Variants in MILR1 observed in about 807,000 individuals in gnomAD.
MILR1 encodes the protein allergin-1.
In MILR1, 31 loss-of-function variants were observed where a neutral mutation model predicts 18.5. That is an observed-to-expected ratio of 1.68 (90% CI 1.26 to 2.26). The LOEUF (loss-of-function observed/expected upper bound fraction) is 2.26. Ranked by LOEUF, MILR1 falls within the 30% of genes most tolerant of loss-of-function variation. The pLI is 0.00. For missense variants in MILR1, 257 were observed against 157.4 expected (o/e 1.63, Z -3.38); for synonymous variants, 85 against 56.2 (o/e 1.51, Z -2.30).
At chr17:64,454,598 C>G (rs2037249580) in intron 3 of MILR1, among the ~76,000 whole-genome samples, 1 of 152,094 alleles carries the variant, frequency 6.6e-6, no homozygotes. Flanking sequence ...TCTTAATAAT[C>G]CAATGATAGC....
In MILR1 at chr17:64,449,135, C is replaced by T. The variant is rs2037108374; in HGVS notation, c.-34C>T. ...TACTCACCACTGTGGTTCTACTATG[C>T]CTTCTGACCCCGTCTTGGACTTCAA... On this transcript the variant is annotated 5_prime_UTR_variant, in exon 1 of 10. Transcript: ENST00000619286. 3 of 460,420 alleles carry T rather than the reference C, an allele frequency of 6.5e-6. No homozygotes were observed. Among genetic ancestry groups the T allele is most frequent in the Admixed American group, 3.4e-5 (1 of 29,130 alleles). The allele number at this position is 460,420 out of a possible 1,614,324, so 28.5% of individuals were successfully genotyped here. A position where few individuals can be genotyped will look rare whatever the true frequency, so the allele number is the denominator to read the frequency against.
intron 4 of MILR1, among the ~76,000 whole-genome samples, chr17:64,458,066 T>C (rs1208393884): frequency 2.0e-5 from 3 of 152,180 alleles, no homozygotes; most frequent in African/African-American, 7.2e-5. Flanking sequence ...CCAGGTCTTT[T>C]AGTTTTCTTT....
At chr17:64,478,635 T>G in the MILR1 span, among the ~76,000 whole-genome samples, 2 of 152,102 alleles carry the variant, frequency 1.3e-5, no homozygotes, top group East Asian at 3.9e-4. Flanking sequence ...TGGTGACTCA[T>G]GCCTGTAATC....
At chr17:64,489,079 G>A in the MILR1 span, among the ~76,000 whole-genome samples, 1 of 145,270 alleles carries the variant, frequency 6.9e-6, no homozygotes, top group Non-Finnish European at 1.5e-5. Flanking sequence ...AGGCTGGAGT[G>A]CAGCAGCACA....
chr17:64,496,386 G>A, the MILR1 span: 1 of 1,509,314 alleles, frequency 6.6e-7, no homozygotes, highest in Non-Finnish European at 9.0e-7. Flanking sequence ...CTGTTTTGAA[G>A]CATGAAATCG....
chr17:64,490,784 G>A, the MILR1 span: 1 of 1,603,946 alleles, frequency 6.2e-7, no homozygotes, highest in Non-Finnish European at 8.5e-7. Context: ...AGGAGCTCCA[G>A]GTAAAACATA....
chr17:64,456,193 T>C (rs1329679032), intron 3 of MILR1, among the ~76,000 whole-genome samples: 6 of 152,176 alleles, frequency 3.9e-5, no homozygotes, highest in African/African-American at 1.4e-4. Context: ...ATGGGCATGA[T>C]ACTATCCACA....
chr17:64,493,894 T>G, the MILR1 span, among the ~76,000 whole-genome samples: 3 of 152,188 alleles, frequency 2.0e-5, no homozygotes, highest in Non-Finnish European at 4.4e-5. Context: ...TTTGCCACAT[T>G]TTTTTCTTGT....
chr17:64,459,958 A>G (rs929900404), intron 4 of MILR1, among the ~76,000 whole-genome samples: 1 of 149,878 alleles, frequency 6.7e-6, no homozygotes, highest in Non-Finnish European at 1.5e-5. Flanking sequence ...CTTGGTCATG[A>G]CTTTTTAAAC....
chr17:64,491,753 G>C, the MILR1 span: 1 of 728,260 alleles, frequency 1.4e-6, no homozygotes, highest in Admixed American at 1.8e-5. Flanking sequence ...TTTCCTACAA[G>C]GAGCTCAAGC....
rs1016554004 is a variant in MILR1, at chr17:64,468,596, G to A, written c.*315G>A. On this transcript the variant is annotated 3_prime_UTR_variant, in exon 10 of 10. Transcript: ENST00000619286. Reference sequence around the variant, plus strand: ...GAGCCACCGTGCCCGGCCCTGAATCGCTTTAGTAAATAAAGGGTCTCCAAG... The same window carrying A: ...GAGCCACCGTGCCCGGCCCTGAATCACTTTAGTAAATAAAGGGTCTCCAAG... 28 of 1,143,654 alleles carry A rather than the reference G, an allele frequency of 2.4e-5. No individual in the cohort carries two copies. The highest frequency in any genetic ancestry group is 2.1e-4 in the African/African-American group (13 of 60,480). The allele number at this position is 1,143,654 out of a possible 1,614,324, so 70.8% of individuals were successfully genotyped here.
At chr17:64,469,913 G>A (rs147941809), downstream of MILR1, among the ~76,000 whole-genome samples, 42 of 152,298 alleles carry the variant, frequency 2.8e-4, no homozygotes, top group African/African-American at 9.1e-4. Context: ...GGGAGACAAG[G>A]ATGGATCTTA....
Position 64,466,687 on chromosome 17 carries a change from G to T in MILR1, c.979+25G>T, listed in dbSNP as rs556782972. ...GGTGAGCCACAGGTTGGGATAAGAGGTACTGGTGAAATGAGACAGGTGGTC... is the reference window on the plus strand; with the variant it reads ...GGTGAGCCACAGGTTGGGATAAGAGTTACTGGTGAAATGAGACAGGTGGTC... On this transcript the variant is annotated intron_variant, in intron 8 of 9. Coordinates refer to ENST00000619286, the MANE Select transcript of MILR1 (RefSeq NM_001085423.2). The T allele has an allele frequency of 1.9e-5, 30 of 1,580,726 alleles. No homozygotes were observed. The Admixed American group carries it at 4.1e-4, about 22-fold the overall frequency.
the MILR1 span, chr17:64,480,380 CT>C: frequency 6.6e-7 from 1 of 1,524,890 alleles, no homozygotes; most frequent in Non-Finnish European, 9.1e-7. Context: ...TTAAATAGCC[CT>C]TGACAAACCT....
At chr17:64,485,972 A>T in the MILR1 span, 1 of 1,102,388 alleles carries the variant, frequency 9.1e-7, no homozygotes, top group Non-Finnish European at 1.4e-6. Context: ...GCTGGAGTGC[A>T]GTGGCATGAT....
At chr17:64,473,968 A>G in the MILR1 span, among the ~76,000 whole-genome samples, 2 of 152,364 alleles carry the variant, frequency 1.3e-5, no homozygotes, top group Non-Finnish European at 2.9e-5. Context: ...TGTAAATTGT[A>G]TCTTAATAAA....
the MILR1 span, among the ~76,000 whole-genome samples, chr17:64,475,998 A>G: frequency 7.3e-5 from 11 of 151,632 alleles, no homozygotes; most frequent in Non-Finnish European, 1.5e-4. Context: ...TATTTTTAGT[A>G]GTTTCACCAT....
chr17:64,484,895 G>A, the MILR1 span, among the ~76,000 whole-genome samples: 1 of 152,042 alleles, frequency 6.6e-6, no homozygotes, highest in Admixed American at 6.6e-5. Context: ...CTTTTGATTT[G>A]GGGCAGCTTC....
the MILR1 span, chr17:64,477,965 A>C: frequency 2.5e-6 from 4 of 1,613,836 alleles, no homozygotes; most frequent in African/African-American, 1.3e-5. Context: ...CAAAACTGTG[A>C]AGAGAATACT....
Sources: gnomAD v4.1 joint callset for allele counts (sites outside exome capture counted in the v4.1 genomes callset) on GRCh38, gnomAD v4.1.1 for gene constraint, MANE v1.5 for transcripts, NCBI Gene and HGNC (gene_info 2026-07-23, HGNC 2026-07-21) for gene names.